The following ARHGAP5 variants were observed in gnomAD, a reference collection of about 807,000 sequenced individuals.
The protein encoded by ARHGAP5 is Rho GTPase activating protein 5.
ARHGAP5 carries 23 observed loss-of-function variants against 116.6 expected under a neutral mutation model. The ratio of observed to expected loss-of-function variants is 0.20; its 90% CI spans 0.14 to 0.28. The LOEUF is 0.28. Ranked by LOEUF, ARHGAP5 falls within the 10% of genes least tolerant of loss-of-function variation. The pLI is 1.00. For missense variants in ARHGAP5, 1,405 were observed against 1,774.8 expected, an observed-to-expected ratio of 0.79 and a Z score of 3.74; for synonymous variants, 574 against 602.0, an observed-to-expected ratio of 0.95 and a Z score of 0.68.
At chr14:32,140,086 G>GATTTTTTTTTTTTTTTTTTT (rs1566681639) in intron 3 of ARHGAP5, among the ~76,000 whole-genome samples, 1 of 43,634 alleles carries the variant, frequency 2.3e-5, no homozygotes, top group African/African-American at 9.5e-5. Context: ...TTTTTTTTTA[G>GATTTTTTTTTTTTTTTTTTT]GTTATTTGTT....
In ARHGAP5 at chr14:32,093,639, T is replaced by G. The variant is rs753280007; in HGVS notation, c.2970T>G (p.Pro990=). 7 of 1,613,878 alleles carry G rather than the reference T, an allele frequency of 4.3e-6. No homozygotes were observed. In the East Asian group the frequency reaches 1.6e-4, roughly 36 times the overall value. Residue 990 remains proline (P), a synonymous_variant, in exon 2 of 7, where the codon CCT becomes CCG. Coordinates refer to ENST00000345122, the MANE Select transcript of ARHGAP5 (RefSeq NM_001030055.2). ...DSDDDTEAPP[P]YSPIGDDVQL... is the part of the protein sequence containing the mutation. ...ATGATGACACAGAAGCACCACCTCC[T>G]TATAGTCCAATTGGGGATGATGTAC...
intron 2 of ARHGAP5, among the ~76,000 whole-genome samples, chr14:32,116,325 T>C (rs1465557440): frequency 6.7e-6 from 1 of 150,302 alleles, no homozygotes; most frequent in Non-Finnish European, 1.5e-5. Flanking sequence ...GCGCGGTGGC[T>C]CACACCTGTA....
intron 2 of ARHGAP5, among the ~76,000 whole-genome samples, chr14:32,099,381 C>G (rs1055985277): frequency 6.6e-6 from 1 of 152,264 alleles, no homozygotes; most frequent in African/African-American, 2.4e-5. Context: ...ATGAAATCTC[C>G]TAGGGAGTGA....
intron 1 of ARHGAP5, among the ~76,000 whole-genome samples, chr14:32,079,158 A>G (rs542560978): frequency 6.6e-6 from 1 of 152,356 alleles, no homozygotes; most frequent in East Asian, 1.9e-4. Context: ...AAATAGCACT[A>G]TTGATCTAAT....
chr14:32,111,858 T>C (rs1322739886), intron 2 of ARHGAP5, among the ~76,000 whole-genome samples: 8 of 147,852 alleles, frequency 5.4e-5, no homozygotes, highest in African/African-American at 7.5e-5. Flanking sequence ...TTTTTTTTTT[T>C]TTTTGACAGA....
chr14:32,129,272 T>A (rs1275803801), intron 3 of ARHGAP5, among the ~76,000 whole-genome samples: 1 of 151,030 alleles, frequency 6.6e-6, no homozygotes, highest in Non-Finnish European at 1.5e-5. Flanking sequence ...TCTGTTCCCA[T>A]TTTTTTTTCA....
intron 2 of ARHGAP5, among the ~76,000 whole-genome samples, chr14:32,113,040 T>C (rs986200638): frequency 2.6e-5 from 4 of 152,220 alleles, no homozygotes; most frequent in Non-Finnish European, 4.4e-5. Flanking sequence ...TGGCATTTTA[T>C]AGCAATTGTA....
At chr14:32,111,944 T>A (rs1186896228) in intron 2 of ARHGAP5, among the ~76,000 whole-genome samples, 1 of 149,664 alleles carries the variant, frequency 6.7e-6, no homozygotes, top group Non-Finnish European at 1.5e-5. Context: ...CAAGTGATTC[T>A]CCTGCCTCAG....
intron 3 of ARHGAP5, among the ~76,000 whole-genome samples, chr14:32,135,288 G>A (rs551598565): frequency 6.6e-6 from 1 of 152,370 alleles, no homozygotes; most frequent in South Asian, 2.1e-4. Flanking sequence ...TAACTGGAAT[G>A]AAGGTAACTT....
intron 3 of ARHGAP5, among the ~76,000 whole-genome samples, chr14:32,136,304 C>G (rs1365444969): frequency 6.6e-6 from 1 of 152,190 alleles, no homozygotes; most frequent in South Asian, 2.1e-4. Flanking sequence ...TCTCACAGCC[C>G]TTGCAACCAA....
chr14:32,130,525 C>CATTGATTGATTG (rs112501644), intron 3 of ARHGAP5, among the ~76,000 whole-genome samples: 12 of 148,112 alleles, frequency 8.1e-5, no homozygotes, highest in Non-Finnish European at 1.5e-4. Context: ...CCCAACCTGG[C>CATTGATTGATTG]ATTGATTGAT....
chr14:32,131,011 G>T (rs938883443), intron 3 of ARHGAP5, among the ~76,000 whole-genome samples: 12 of 152,162 alleles, frequency 7.9e-5, no homozygotes, highest in Non-Finnish European at 1.6e-4. Context: ...GTTAAAAACG[G>T]CATGACACTT....
At chr14:32,100,320 C>T (rs1878734237) in intron 2 of ARHGAP5, among the ~76,000 whole-genome samples, 1 of 152,192 alleles carries the variant, frequency 6.6e-6, no homozygotes, top group Non-Finnish European at 1.5e-5. Context: ...TCGCCTCAGC[C>T]TCCTGAGTAG....
At position 32,145,140 on chromosome 14, in the gene ARHGAP5, A is replaced by T. The variant is rs532535376; in HGVS notation, c.3866-1123A>T. 2.6e-5 allele frequency among the ~76,000 whole-genome samples: 4 copies of T among 152,024 alleles called. No individual in the cohort carries two copies. The South Asian group carries it at 8.3e-4, about 32-fold the overall frequency. On this transcript the variant is annotated intron_variant, in intron 3 of 6. Transcript: ENST00000345122. The stretch of plus-strand genomic sequence containing the variant: ...CTGCAAGGTGGGAGTGGAAGTTCAG[A>T]CTCCTGTTGGCTTCCATTGGCTTTC...
intron 2 of ARHGAP5, among the ~76,000 whole-genome samples, chr14:32,105,683 GGTTT>G (rs1240708739): frequency 6.6e-6 from 1 of 152,066 alleles, no homozygotes; most frequent in Non-Finnish European, 1.5e-5. Context: ...CATGTGTATA[GGTTT>G]GTGTGTCCCT....
At chr14:32,143,190 C>T (rs771411119) in intron 3 of ARHGAP5, among the ~76,000 whole-genome samples, 2 of 149,604 alleles carry the variant, frequency 1.3e-5, no homozygotes, top group African/African-American at 2.5e-5. Flanking sequence ...AATTAAAAGG[C>T]AACATTATTT....
chr14:32,139,997 A>T (rs929533210), intron 3 of ARHGAP5, among the ~76,000 whole-genome samples: 1 of 150,004 alleles, frequency 6.7e-6, no homozygotes, highest in Non-Finnish European at 1.5e-5. Flanking sequence ...GTGATTAAAA[A>T]TAATTTTGCC....
At chr14:32,079,914 A>T (rs1416477488) in intron 1 of ARHGAP5, among the ~76,000 whole-genome samples, 3 of 152,190 alleles carry the variant, frequency 2.0e-5, no homozygotes, top group Middle Eastern at 3.2e-3. Flanking sequence ...AGCATTGTAC[A>T]GTGTTGTTTT....
intron 2 of ARHGAP5, among the ~76,000 whole-genome samples, chr14:32,102,141 A>G (rs769194820): frequency 6.6e-5 from 10 of 152,204 alleles, no homozygotes; most frequent in Non-Finnish European, 1.0e-4. Flanking sequence ...ACCTTGCTTA[A>G]TTTCTTCAGA....
Sources: gnomAD v4.1 joint callset for allele counts (sites outside exome capture counted in the v4.1 genomes callset) on GRCh38, gnomAD v4.1.1 for gene constraint, MANE v1.5 for transcripts, NCBI Gene and HGNC (gene_info 2026-07-23, HGNC 2026-07-21) for gene names.